Variants in NOL4L observed in about 807,000 individuals in gnomAD.
NOL4L encodes the protein nucleolar protein 4-like.
A neutral mutation model predicts 64.5 loss-of-function variants in NOL4L; 7 were observed. The ratio of observed to expected loss-of-function variants is 0.11; its 90% CI spans 0.06 to 0.20. NOL4L has a LOEUF of 0.20. Ranked by LOEUF, NOL4L falls within the 10% of genes least tolerant of loss-of-function variation. NOL4L has a pLI of 1.00. For synonymous variants in NOL4L, 413 were observed against 401.0 expected (o/e 1.03, Z -0.36); for missense variants, 680 against 967.1 (o/e 0.70, Z 3.94).
chr20:32,485,099 A>AAAAAAAAAAAAAT (rs2016029516), intron 4 of NOL4L, among the ~76,000 whole-genome samples: 1 of 150,344 alleles, frequency 6.7e-6, no homozygotes, highest in Non-Finnish European at 1.5e-5. Context: ...AACTAAAAAA[A>AAAAAAAAAAAAAT]AACCCTGATA....
At chr20:32,538,687 G>A (rs983896925) in intron 1 of NOL4L, among the ~76,000 whole-genome samples, 7 of 152,158 alleles carry the variant, frequency 4.6e-5, no homozygotes, top group South Asian at 2.1e-4. Context: ...CAACCTCACC[G>A]TTTCCTGCCT....
At chr20:32,558,430 G>A (rs6119898) in intron 1 of NOL4L, among the ~76,000 whole-genome samples, 13,590 of 152,240 alleles carry the variant, frequency 0.089, 1,622 homozygotes, top group African/African-American at 0.27. Context: ...GTGTAGGGGG[G>A]CAAGCTCACA....
chr20:32,513,031 GCCT>G (rs1284289910), intron 3 of NOL4L, among the ~76,000 whole-genome samples: 2 of 152,158 alleles, frequency 1.3e-5, no homozygotes, highest in African/African-American at 4.8e-5. Context: ...TTGTTACCTG[GCCT>G]CCTCCTCCTT....
At chr20:32,468,900 C>CAAAAA (rs555969764) in intron 5 of NOL4L, among the ~76,000 whole-genome samples, 9 of 95,266 alleles carry the variant, frequency 9.4e-5, no homozygotes, top group Non-Finnish European at 1.5e-4. Flanking sequence ...GACTCCATCT[C>CAAAAA]AAAAAAAAAA....
chr20:32,488,293 T>C (rs1165400494), intron 4 of NOL4L, among the ~76,000 whole-genome samples: 1 of 152,188 alleles, frequency 6.6e-6, no homozygotes, highest in Non-Finnish European at 1.5e-5. Flanking sequence ...TGGCCCATGA[T>C]GACCCTCACC....
At chr20:32,474,817 C>A in intron 4 of NOL4L, 75 bp from the exon 5 acceptor site, 3 of 1,487,396 alleles carry the variant, frequency 2.0e-6, no homozygotes, top group Non-Finnish European at 2.7e-6. Flanking sequence ...TGTGGGTGGA[C>A]CCCAGGGCCA....
chr20:32,521,449 A>G (rs955248073), intron 2 of NOL4L, among the ~76,000 whole-genome samples: 1 of 152,162 alleles, frequency 6.6e-6, no homozygotes, highest in African/African-American at 2.4e-5. Flanking sequence ...TTTTCAAACT[A>G]GACAGGCTCT....
intron 6 of NOL4L, among the ~76,000 whole-genome samples, chr20:32,454,400 G>A (rs1051985632): frequency 6.6e-6 from 1 of 152,152 alleles, no homozygotes; most frequent in Admixed American, 6.5e-5. Flanking sequence ...GAGAATATGC[G>A]GGTAGAAAGG....
At chr20:32,461,421 CTT>C (rs869282447) in intron 5 of NOL4L, among the ~76,000 whole-genome samples, 2,381 of 58,334 alleles carry the variant, frequency 0.041, 75 homozygotes, top group East Asian at 0.23. Flanking sequence ...CCTTTCTTTT[CTT>C]TTTTTTTTTT....
rs1172014367 is a variant in NOL4L, at chr20:32,463,389, G to GC, written c.842-6995dup. On this transcript the variant is annotated intron_variant, in intron 5 of 10. Coordinates refer to ENST00000621426, the MANE Select transcript of NOL4L (RefSeq NM_001256798.2). The surrounding 1 kb of genome is among the most constrained non-coding windows in gnomAD (Gnocchi z 5.8). ...AGTGTGATGAAAGCAGGGTGGGCCT[G>GC]CCCCCAGCCCATGGCTGCGTGGGCA... Among the ~76,000 whole-genome samples, 1 of 152,182 alleles carries GC rather than the reference G, an allele frequency of 6.6e-6. No individual in the cohort carries two copies. The highest frequency in any genetic ancestry group is 1.5e-5 in the Non-Finnish European group (1 of 68,020).
At chr20:32,541,561 C>T (rs973492813) in intron 1 of NOL4L, among the ~76,000 whole-genome samples, 2 of 152,146 alleles carry the variant, frequency 1.3e-5, no homozygotes, top group Non-Finnish European at 2.9e-5. Flanking sequence ...TGGCCACAGC[C>T]GCCAGCAGGA....
chr20:32,519,452 G>A (rs892641046), intron 3 of NOL4L: 2 of 139,116 alleles, frequency 1.4e-5, no homozygotes, highest in Non-Finnish European at 3.0e-5. Context: ...CCCTTCATTC[G>A]AGTCTGTTTC....
chr20:32,573,671 C>A, intron 1 of NOL4L: 1 of 213,750 alleles, frequency 4.7e-6, no homozygotes, highest in South Asian at 7.4e-5. Flanking sequence ...GTAACTTACC[C>A]AAGACTGCAC....
intron 1 of NOL4L, among the ~76,000 whole-genome samples, chr20:32,579,496 C>G (rs6119909): frequency 0.52 from 79,191 of 151,832 alleles, 24,601 homozygotes; most frequent in East Asian, 0.94. Flanking sequence ...TCCCCACCCC[C>G]CAATCCTCCC....
In NOL4L at chr20:32,483,521, C is replaced by G. The variant is rs554283946; in HGVS notation, c.700-8779G>C. ...CACCGCGGCGCGTCACTGCCCGGCCCGGGGGCGGGGGTGGCCAGGAGGAGG... is the reference window on the plus strand; with the variant it reads ...CACCGCGGCGCGTCACTGCCCGGCCGGGGGGCGGGGGTGGCCAGGAGGAGG... On this transcript the variant is annotated intron_variant, in intron 4 of 10. Transcript: ENST00000621426. 6.3e-4 allele frequency: 611 copies of G among 977,540 alleles called. 4 individuals are homozygous for G. In the East Asian group the frequency reaches 0.015, roughly 25 times the overall value. 60.6% of individuals were successfully genotyped at this position (977,540 alleles called of 1,614,324 possible).
At chr20:32,536,804 GGGGGGGGGCGCACCAACGGGGC>G (rs2018543726) in intron 1 of NOL4L, among the ~76,000 whole-genome samples, 1 of 123,834 alleles carries the variant, frequency 8.1e-6, no homozygotes, top group Non-Finnish European at 1.8e-5. Context: ...GGGAGTGGGG[GGGGGGGGGCGCACCAACGGGGC>G]GGGGGGGGGA....
intron 1 of NOL4L, among the ~76,000 whole-genome samples, chr20:32,572,934 A>T (rs1979846462): frequency 1.3e-5 from 2 of 152,204 alleles, no homozygotes; most frequent in Admixed American, 6.5e-5. Context: ...CCACAGGCAT[A>T]AGCAGAGAGC....
chr20:32,553,517 C>T (rs550927524), intron 1 of NOL4L, among the ~76,000 whole-genome samples: 1 of 152,298 alleles, frequency 6.6e-6, no homozygotes, highest in East Asian at 1.9e-4. Flanking sequence ...GGAGGCCTCC[C>T]CACACCTATC....
intron 5 of NOL4L, among the ~76,000 whole-genome samples, chr20:32,466,260 G>A (rs1299676703): frequency 3.9e-5 from 6 of 152,148 alleles, no homozygotes; most frequent in South Asian, 2.1e-4. Context: ...GAGCCACCAC[G>A]CCTGGTTCAC....
Sources: gnomAD v4.1 joint callset for allele counts (sites outside exome capture counted in the v4.1 genomes callset) on GRCh38, gnomAD v4.1.1 for gene constraint, Gnocchi (gnomAD v3.1) non-coding constraint, MANE v1.5 for transcripts, NCBI Gene and HGNC (gene_info 2026-07-23, HGNC 2026-07-21) for gene names.